The following SEPTIN12 variants were observed in gnomAD, a reference collection of about 807,000 sequenced individuals.
SEPTIN12 encodes septin-12.
Under a neutral mutation model 37.7 loss-of-function variants are expected in SEPTIN12, and 42 were observed. The observed-to-expected ratio is 1.11, with a 90% CI of 0.87 to 1.44. SEPTIN12 has a LOEUF of 1.44. Ranked by LOEUF, SEPTIN12 falls within the 40% of genes most tolerant of loss-of-function variation. The probability of loss-of-function intolerance (pLI) is 0.00; values close to 1 mark genes in which losing one functional copy is unlikely to be tolerated. For synonymous variants in SEPTIN12, 254 were observed against 196.7 expected, an observed-to-expected ratio of 1.29 and a Z score of -2.44; for missense variants, 613 against 479.2, an observed-to-expected ratio of 1.28 and a Z score of -2.61.
chr16:4,787,654 A>G lies in SEPTIN12; in HGVS notation c.-9T>C. ...CGCCTCAGGGGGTCCATGGGGGCCA[A>G]GGGTTCGAGATGCCTGTCACCAGGT... On this transcript the variant is annotated 5_prime_UTR_variant, in exon 2 of 10. Transcript: ENST00000268231. 10 of 1,534,818 alleles carry G rather than the reference A, an allele frequency of 6.5e-6. No individual in the cohort carries two copies. Among genetic ancestry groups the G allele is most frequent in the Non-Finnish European group, 8.0e-6 (9 of 1,130,938 alleles).
At position 4,779,801 on chromosome 16, in the gene SEPTIN12, G is replaced by T. The variant is rs368128787; in HGVS notation, c.727-15C>A. 37 of 1,576,022 alleles carry T rather than the reference G, an allele frequency of 2.3e-5. 2 individuals are homozygous for T. In the South Asian group the frequency reaches 4.0e-4, roughly 17 times the overall value. ...GGGATTCGGTCCTGGGAAAGGAGAA[G>T]ACACAGAGATGGGAGGATTGACTTC... On this transcript the variant is annotated splice_polypyrimidine_tract_variant and intron_variant, in intron 7 of 9. Transcript: ENST00000268231.
At position 4,784,098 on chromosome 16, in the gene SEPTIN12, A is replaced by G. The variant is rs763973048; in HGVS notation, c.375-30T>C. ...GGCGGGAGGTGGACCCTCCCCTCAG[A>G]ACTGTGCTGTGCCCAGAGAGCCCCA... On this transcript the variant is annotated intron_variant, in intron 4 of 9. Coordinates refer to ENST00000268231, the MANE Select transcript of SEPTIN12 (RefSeq NM_144605.5). 1.3e-5 allele frequency: 21 copies of G among 1,613,000 alleles called. No homozygotes were observed. The South Asian group carries it at 2.1e-4, about 16-fold the overall frequency.
At chr16:4,784,928 G>A (rs758772813) in intron 4 of SEPTIN12, among the ~76,000 whole-genome samples, 1 of 151,938 alleles carries the variant, frequency 6.6e-6, no homozygotes, top group Admixed American at 6.6e-5. Context: ...TGGCCAACAT[G>A]GGGAAATCCC....
At chr16:4,791,192 G>A (rs2082545519), upstream of SEPTIN12, among the ~76,000 whole-genome samples, 1 of 152,208 alleles carries the variant, frequency 6.6e-6, no homozygotes, top group South Asian at 2.1e-4. Flanking sequence ...AGCCTCACTG[G>A]GTGCCAGTAG....
Position 4,777,867 on chromosome 16 carries a change from C to T in SEPTIN12, c.1007G>A (p.Gly336Glu), listed in dbSNP as rs765174507. 8.8e-6 allele frequency: 14 copies of T among 1,596,460 alleles called. No homozygotes were observed. The East Asian group carries it at 2.5e-4, about 28-fold the overall frequency. ...GWVNLAPASP[G>E]QLTTPRTFKV... ...GAAGGTCCGGGGGGTGGTCAGCTGT[C>T]CTGGGGAGGCCGGGGCCAGGTTCAC... The change falls in exon 10 of 10, where the codon GGA (glycine) becomes GAA (glutamate). Residue 336 changes from glycine (G) to glutamate (E), a missense_variant. Gly to Glu is a moderately conservative substitution (Grantham distance 98). Coordinates refer to ENST00000268231, the MANE Select transcript of SEPTIN12 (RefSeq NM_144605.5).
chr16:4,783,404 G>T, intron 7 of SEPTIN12, 58 bp downstream of exon 7: 1 of 1,242,312 alleles, frequency 8.0e-7, no homozygotes, highest in Non-Finnish European at 1.2e-6. Flanking sequence ...GTCTTTGGAT[G>T]GAAAGGATGT....
At chr16:4,785,127 G>A (rs370288240) in intron 4 of SEPTIN12, among the ~76,000 whole-genome samples, 4 of 152,078 alleles carry the variant, frequency 2.6e-5, no homozygotes, top group South Asian at 2.1e-4. Context: ...GCGGATGTCT[G>A]TAATCCCAGC....
chr16:4,778,588 G>T (rs2082338997), intron 8 of SEPTIN12, among the ~76,000 whole-genome samples: 1 of 151,358 alleles, frequency 6.6e-6, no homozygotes, highest in Admixed American at 6.6e-5. Context: ...ATCACCTGAG[G>T]TCAGGAGTTT....
Position 4,785,789 on chromosome 16 carries a change from AAAAG to A in SEPTIN12, c.374+14_374+17del, listed in dbSNP as rs1567569342. On this transcript the variant is annotated intron_variant, in intron 4 of 9. Transcript: ENST00000268231. ...GTGAAACTCTGCCTAAAAAAAAAAA[AAAAG>A]AGAGAGAACCTACCAGTTGTCATTG... The A allele has an allele frequency of 1.0e-5, 16 of 1,557,686 alleles. No homozygotes were observed. The highest frequency in any genetic ancestry group is 1.5e-5 in the African/African-American group (1 of 67,530).
rs1312596905 is a variant in SEPTIN12, at chr16:4,788,040, G to A, written c.-23+240C>T. On this transcript the variant is annotated intron_variant, in intron 1 of 9. Transcript: ENST00000268231. ...TGGAGGGGCTTCAGGGAGTGTGTATGGGGTGAAGTGGCTCCCGTCCCAGCA... is the reference window on the plus strand; with the variant it reads ...TGGAGGGGCTTCAGGGAGTGTGTATAGGGTGAAGTGGCTCCCGTCCCAGCA... 2.1e-5 allele frequency: 4 copies of A among 188,358 alleles called. No individual in the cohort carries two copies. In the East Asian group the frequency reaches 4.4e-4, roughly 21 times the overall value. The allele number at this position is 188,358 out of a possible 1,614,324, so 11.7% of individuals were successfully genotyped here. A position where few individuals can be genotyped will look rare whatever the true frequency, so the allele number is the denominator to read the frequency against.
chr16:4,779,585 G>A, intron 8 of SEPTIN12, 105 bp downstream of exon 8: 1 of 777,044 alleles, frequency 1.3e-6, no homozygotes, highest in Admixed American at 1.9e-5. Flanking sequence ...TTTGTCTAGT[G>A]GGCTTCACCT....
chr16:4,781,120 G>A (rs149380777), intron 7 of SEPTIN12, among the ~76,000 whole-genome samples: 9 of 152,046 alleles, frequency 5.9e-5, no homozygotes, highest in Admixed American at 2.0e-4. Flanking sequence ...TTAGCCAGGC[G>A]TGGTATTGTG....
At position 4,784,769 on chromosome 16, in the gene SEPTIN12, CTAAATAAATAAATAAATAAA is replaced by C. The variant is rs55943515; in HGVS notation, c.375-721_375-702del. On this transcript the variant is annotated intron_variant, in intron 4 of 9. Coordinates refer to ENST00000268231, the MANE Select transcript of SEPTIN12 (RefSeq NM_144605.5). Reference sequence around the variant, plus strand: ...TGGGAAACAGACTGAGACACTGTCTCTAAATAAATAAATAAATAAATAAATAAATAAATAAATAAATAAAT... The same window carrying C: ...TGGGAAACAGACTGAGACACTGTCTCTAAATAAATAAATAAATAAATAAAT... Among the ~76,000 whole-genome samples the C allele has an allele frequency of 3.0e-3, 406 of 136,316 alleles. 1 individual carries two copies. Among genetic ancestry groups the C allele is most frequent in the Non-Finnish European group, 5.2e-3 (333 of 64,064 alleles). The allele number at this position is 136,316 out of a possible 152,430, so 89.4% of individuals were successfully genotyped here. A position where few individuals can be genotyped will look rare whatever the true frequency, so the allele number is the denominator to read the frequency against.
chr16:4,782,523 C>T (rs1032337901), intron 7 of SEPTIN12, among the ~76,000 whole-genome samples: 1 of 152,184 alleles, frequency 6.6e-6, no homozygotes, highest in Non-Finnish European at 1.5e-5. Context: ...TGAGGAACCA[C>T]CAGACTGTTT....
At chr16:4,779,292 G>A (rs899832664) in intron 8 of SEPTIN12, among the ~76,000 whole-genome samples, 4 of 152,070 alleles carry the variant, frequency 2.6e-5, no homozygotes, top group Admixed American at 1.3e-4. Flanking sequence ...TGTCCTGTCA[G>A]CTCTATGGGG....
intron 7 of SEPTIN12, among the ~76,000 whole-genome samples, chr16:4,781,200 A>C (rs1009729810): frequency 6.7e-6 from 1 of 149,486 alleles, no homozygotes; most frequent in African/African-American, 2.5e-5. Flanking sequence ...CAGGGGTTGC[A>C]GTGAGCGGAG....
At chr16:4,789,577 C>T (rs767765682), upstream of SEPTIN12, among the ~76,000 whole-genome samples, 1 of 152,124 alleles carries the variant, frequency 6.6e-6, no homozygotes, top group Non-Finnish European at 1.5e-5. Context: ...CTGCCCTCCT[C>T]GGCCTCCCAA....
At chr16:4,788,105 T>A (rs529897382) in intron 1 of SEPTIN12, 175 bp downstream of exon 1, 2 of 170,530 alleles carry the variant, frequency 1.2e-5, no homozygotes, top group African/African-American at 2.4e-5. Context: ...GTGCCCCCAC[T>A]TTCCCCAGGG....
Position 4,777,938 on chromosome 16 carries a change from G to A in SEPTIN12, c.936C>T (p.Val312=). 2 of 1,608,684 alleles carry A rather than the reference G, an allele frequency of 1.2e-6. No homozygotes were observed. The highest frequency in any genetic ancestry group is 2.2e-5 in the East Asian group (1 of 44,694). The part of the protein sequence containing the change: ...THNIHYENYR[V]IRLNESHLLP... ...GCAGGTGGCTTTCATTGAGTCTGATGACGCGGTAGTTCTCATAGTGGATGT... is the reference window on the plus strand; with the variant it reads ...GCAGGTGGCTTTCATTGAGTCTGATAACGCGGTAGTTCTCATAGTGGATGT... The change falls in exon 10 of 10, where the codon GTC becomes GTT. Residue 312 remains valine, a synonymous_variant. Transcript: ENST00000268231.
Sources: allele counts gnomAD v4.1 joint callset (sites outside exome capture counted in the v4.1 genomes callset), GRCh38; gene constraint gnomAD v4.1.1; transcripts MANE v1.5; gene names NCBI Gene and HGNC (gene_info 2026-07-23, HGNC 2026-07-21).